The following SPATS2L variants were observed in gnomAD, a reference collection of about 807,000 sequenced individuals.
The protein encoded by SPATS2L is SPATS2-like protein.
SPATS2L carries 30 observed loss-of-function variants against 59.6 expected under a neutral mutation model. The observed-to-expected ratio is 0.50, with a 90% CI of 0.38 to 0.68. The LOEUF is 0.68. Among genes scored for constraint, SPATS2L ranks in the 30% least tolerant of loss-of-function variants. The pLI, the probability that SPATS2L is intolerant of heterozygous loss-of-function variation, is 0.00. For synonymous variants in SPATS2L, 252 were observed against 263.5 expected (o/e 0.96, Z 0.42); for missense variants, 615 against 700.0 (o/e 0.88, Z 1.37).
intron 5 of SPATS2L, among the ~76,000 whole-genome samples, chr2:200,417,161 T>A (rs1356008270): frequency 2.0e-5 from 3 of 152,174 alleles, no homozygotes; most frequent in African/African-American, 7.2e-5. Context: ...GCCTTGTGTT[T>A]CGGATTTCCC....
intron 2 of SPATS2L, among the ~76,000 whole-genome samples, chr2:200,345,196 T>C (rs1188471740): frequency 3.3e-5 from 5 of 152,260 alleles, no homozygotes; most frequent in East Asian, 1.9e-4. Flanking sequence ...GGAGTTTTTA[T>C]AGTTTTGGGT....
chr2:200,457,125 C>T (rs777254660), intron 8 of SPATS2L, among the ~76,000 whole-genome samples: 2 of 152,054 alleles, frequency 1.3e-5, no homozygotes, highest in Non-Finnish European at 2.9e-5. Context: ...AGATTCTCCC[C>T]ATATCTCCCC....
At chr2:200,435,515 T>C (rs2084223457) in intron 6 of SPATS2L, among the ~76,000 whole-genome samples, 1 of 152,014 alleles carries the variant, frequency 6.6e-6, no homozygotes, top group Non-Finnish European at 1.5e-5. Flanking sequence ...CAAACGAGGC[T>C]CCCTACAACT....
chr2:200,313,176 C>T (rs2105749831), intron 1 of SPATS2L, among the ~76,000 whole-genome samples: 1 of 152,294 alleles, frequency 6.6e-6, no homozygotes. Flanking sequence ...CAGAAACCAA[C>T]AAGTCAGAGC....
At chr2:200,438,014 G>A (rs940466387) in intron 6 of SPATS2L, among the ~76,000 whole-genome samples, 1 of 152,156 alleles carries the variant, frequency 6.6e-6, no homozygotes, top group African/African-American at 2.4e-5. Context: ...TTGCCCTTGG[G>A]AAGATTGCAG....
In SPATS2L at chr2:200,430,615, T is replaced by A. The variant is rs533562032; in HGVS notation, c.446-8507T>A. 4.6e-5 allele frequency among the ~76,000 whole-genome samples: 7 copies of A among 152,292 alleles called. No individual in the cohort carries two copies. The South Asian group carries it at 1.2e-3, about 27-fold the overall frequency. On this transcript the variant is annotated intron_variant, in intron 6 of 12. Coordinates refer to ENST00000409140, the MANE Select transcript of SPATS2L (RefSeq NM_001100423.2). Reference sequence around the variant, plus strand: ...ATGAACATTACTTCATATCATTAAATGTTCTTTAAAAACGTGATTTAAATA... The same window carrying A: ...ATGAACATTACTTCATATCATTAAAAGTTCTTTAAAAACGTGATTTAAATA...
chr2:200,351,700 T>G (rs1202135082), intron 2 of SPATS2L, among the ~76,000 whole-genome samples: 1 of 144,632 alleles, frequency 6.9e-6, no homozygotes, highest in African/African-American at 2.4e-5. Flanking sequence ...TAGCGAGGAG[T>G]TATAGATTGA....
chr2:200,362,590 TTACC>T (rs2081142912), intron 2 of SPATS2L, among the ~76,000 whole-genome samples: 1 of 152,202 alleles, frequency 6.6e-6, no homozygotes, highest in Admixed American at 6.5e-5. Context: ...TGGCCAGGAC[TTACC>T]TATGTGAAGA....
intron 2 of SPATS2L, among the ~76,000 whole-genome samples, chr2:200,383,263 T>A (rs552148354): frequency 1.7e-4 from 26 of 152,338 alleles, no homozygotes; most frequent in Non-Finnish European, 3.1e-4. Flanking sequence ...TCATACATTT[T>A]CTAGCAGTCA....
At chr2:200,324,083 A>G (rs1192042731) in intron 1 of SPATS2L, among the ~76,000 whole-genome samples, 1 of 152,146 alleles carries the variant, frequency 6.6e-6, no homozygotes. Flanking sequence ...CTGGGGCTGC[A>G]CTGACTCCCT....
intron 8 of SPATS2L, among the ~76,000 whole-genome samples, chr2:200,446,163 A>AC (rs1460380586): frequency 3.3e-5 from 5 of 151,822 alleles, no homozygotes; most frequent in Admixed American, 2.0e-4. Flanking sequence ...ACATGGAGAG[A>AC]CCCCATCTCT....
At chr2:200,351,607 A>G (rs762831645) in intron 2 of SPATS2L, among the ~76,000 whole-genome samples, 1 of 152,216 alleles carries the variant, frequency 6.6e-6, no homozygotes, top group Non-Finnish European at 1.5e-5. Context: ...ATCTAATACA[A>G]TATTCAGAAT....
At chr2:200,352,062 A>G (rs1000083435) in intron 2 of SPATS2L, among the ~76,000 whole-genome samples, 2 of 152,110 alleles carry the variant, frequency 1.3e-5, no homozygotes, top group Non-Finnish European at 2.9e-5. Flanking sequence ...AGAAAGAGCC[A>G]GAGACTGATG....
chr2:200,357,595 C>T (rs964736876), intron 2 of SPATS2L, among the ~76,000 whole-genome samples: 1 of 152,044 alleles, frequency 6.6e-6, no homozygotes, highest in Admixed American at 6.6e-5. Flanking sequence ...AAAAGCCAAC[C>T]CAGACCAAAT....
At position 200,389,464 on chromosome 2, in the gene SPATS2L, T is replaced by G. The variant is rs1025677865; in HGVS notation, c.39+181T>G. 7.7e-6 allele frequency: 4 copies of G among 522,318 alleles called. No individual in the cohort carries two copies. The Admixed American group carries it at 1.4e-4, about 19-fold the overall frequency. The allele number at this position is 522,318 out of a possible 1,614,324, so 32.4% of individuals were successfully genotyped here. A position where few individuals can be genotyped will look rare whatever the true frequency, so the allele number is the denominator to read the frequency against. ...ATAAGTAACATTTACTGAAAGCATG[T>G]TAAGCATATGACACTCATTTTTTCA... On this transcript the variant is annotated intron_variant, in intron 3 of 12. Transcript: ENST00000409140.
chr2:200,418,871 G>C (rs931135120), intron 5 of SPATS2L, among the ~76,000 whole-genome samples: 9 of 152,230 alleles, frequency 5.9e-5, no homozygotes, highest in African/African-American at 2.2e-4. Context: ...TCACCACTTT[G>C]AGATGAGAGC....
chr2:200,423,279 A>T (rs916351494), intron 6 of SPATS2L, among the ~76,000 whole-genome samples: 5 of 152,210 alleles, frequency 3.3e-5, no homozygotes, highest in African/African-American at 9.6e-5. Flanking sequence ...CAGAAAGTTG[A>T]TGGCAAAACT....
chr2:200,419,639 G>T, intron 6 of SPATS2L, 143 bp downstream of exon 6: 2 of 876,038 alleles, frequency 2.3e-6, no homozygotes. Flanking sequence ...CTGAAGCCAG[G>T]ATTGGGGGTG....
intron 8 of SPATS2L, among the ~76,000 whole-genome samples, chr2:200,454,260 T>TA (rs908999305): frequency 6.6e-6 from 1 of 152,226 alleles, no homozygotes; most frequent in African/African-American, 2.4e-5. Context: ...CCTCGGTATC[T>TA]ACCAGCAGGT....
Sources: gnomAD v4.1 joint callset for allele counts (sites outside exome capture counted in the v4.1 genomes callset) on GRCh38, gnomAD v4.1.1 for gene constraint, MANE v1.5 for transcripts, NCBI Gene and HGNC (gene_info 2026-07-23, HGNC 2026-07-21) for gene names.